Variants in SHANK2 observed in about 807,000 individuals in gnomAD.
SHANK2 encodes the protein SH3 and multiple ankyrin repeat domains 2, also known as SH3 and multiple ankyrin repeat domains protein 2.
In SHANK2, 43 loss-of-function variants were observed where a neutral mutation model predicts 133.7. The ratio of observed to expected loss-of-function variants is 0.32; its 90% CI spans 0.25 to 0.41. SHANK2 has a LOEUF of 0.41. Ranked by LOEUF, SHANK2 falls within the 10% of genes least tolerant of loss-of-function variation. The probability of loss-of-function intolerance (pLI) is 1.00; values close to 1 mark genes in which losing one functional copy is unlikely to be tolerated. For synonymous variants in SHANK2, 1,017 were observed against 952.8 expected (o/e 1.07, Z -1.24); for missense variants, 1,994 against 2,235.8 (o/e 0.89, Z 2.18).
intron 11 of SHANK2, among the ~76,000 whole-genome samples, chr11:70,875,759 G>A (rs530849303): frequency 6.6e-6 from 1 of 152,118 alleles, no homozygotes; most frequent in Admixed American, 6.5e-5. Context: ...GGGGGCTGAA[G>A]TGGGAGGATT....
intron 10 of SHANK2, among the ~76,000 whole-genome samples, chr11:70,909,558 T>C (rs1231107888): frequency 6.6e-6 from 1 of 152,160 alleles, no homozygotes; most frequent in Non-Finnish European, 1.5e-5. Context: ...TCGTGATCCT[T>C]GTTCTGCACA....
chr11:70,543,013 A>G (rs782757822), intron 17 of SHANK2, among the ~76,000 whole-genome samples: 3 of 152,138 alleles, frequency 2.0e-5, no homozygotes, highest in Non-Finnish European at 4.4e-5. Context: ...GTAGAAGGGC[A>G]GGGGCGGCAT....
chr11:70,820,417 C>T lies in SHANK2; in HGVS notation c.1440G>A (p.Arg480=). Reference sequence around the variant, plus strand: ...TGCCGTCCTCGCCTGCGCCGCCCAGCCTGTTGAGCGATGGGGACCGGCTGC... The same window carrying T: ...TGCCGTCCTCGCCTGCGCCGCCCAGTCTGTTGAGCGATGGGGACCGGCTGC... ...GPRSRSPSLN[R]LGGAGEDGKR... Residue 480 remains arginine (R), a synonymous_variant, in exon 12 of 26, where the codon AGG becomes AGA. Transcript: ENST00000601538. The T allele has an allele frequency of 2.9e-6, 2 of 700,856 alleles. No individual in the cohort carries two copies. The highest frequency in any genetic ancestry group is 1.8e-5 in the African/African-American group (1 of 56,954). 43.4% of individuals were successfully genotyped at this position (700,856 alleles called of 1,614,324 possible).
At chr11:71,182,863 T>A (rs1953587483) in intron 2 of SHANK2, among the ~76,000 whole-genome samples, 1 of 152,120 alleles carries the variant, frequency 6.6e-6, no homozygotes, top group Admixed American at 6.5e-5. Flanking sequence ...TCAATGTTTC[T>A]CTCCCACAGC....
intron 17 of SHANK2, among the ~76,000 whole-genome samples, chr11:70,582,970 C>G (rs1307882309): frequency 6.6e-6 from 1 of 152,320 alleles, no homozygotes; most frequent in African/African-American, 2.4e-5. Context: ...GCTCACTCTC[C>G]TGAGGCTTGC....
intron 1 of SHANK2, among the ~76,000 whole-genome samples, chr11:71,241,325 G>A (rs1954888401): frequency 6.6e-6 from 1 of 152,174 alleles, no homozygotes; most frequent in African/African-American, 2.4e-5. Context: ...AACTCAGGGT[G>A]GATTTTTTTA....
At chr11:70,839,320 G>A in intron 11 of SHANK2, among the ~76,000 whole-genome samples, 1 of 152,218 alleles carries the variant, frequency 6.6e-6, no homozygotes, top group Middle Eastern at 3.2e-3. Flanking sequence ...AGCCTAGAAA[G>A]CCCTCAGGGA....
At chr11:70,798,854 C>T (rs1441985456) in intron 13 of SHANK2, among the ~76,000 whole-genome samples, 2 of 152,200 alleles carry the variant, frequency 1.3e-5, no homozygotes, top group African/African-American at 4.8e-5. Context: ...AATGGATGTG[C>T]ACGGCGGCCC....
At chr11:71,099,626 A>G (rs1285477223) in intron 6 of SHANK2, among the ~76,000 whole-genome samples, 1 of 152,236 alleles carries the variant, frequency 6.6e-6, no homozygotes, top group Non-Finnish European at 1.5e-5. Flanking sequence ...AAAACTCCAC[A>G]AGAAAGCAAA....
intron 2 of SHANK2, among the ~76,000 whole-genome samples, chr11:71,179,600 A>G (rs1953514297): frequency 6.6e-6 from 1 of 152,204 alleles, no homozygotes; most frequent in Non-Finnish European, 1.5e-5. Context: ...AAGACAAGAA[A>G]AATACATAAA....
chr11:70,486,794 C>T lies in SHANK2; in HGVS notation c.3499G>A (p.Gly1167Ser). The T allele has an allele frequency of 6.2e-7, 1 of 1,612,172 alleles. No homozygotes were observed. Among genetic ancestry groups the T allele is most frequent in the Non-Finnish European group, 8.5e-7 (1 of 1,179,930 alleles). The change falls in exon 25 of 26, where the codon GGT (glycine) becomes AGT (serine). Residue 1167 changes from glycine (G) to serine (S), a missense_variant. Gly to Ser is a moderately conservative substitution (Grantham distance 56). Transcript: ENST00000601538. This position sits in a 1 kb window ranked among gnomAD's most constrained non-coding sequence, Gnocchi z 8.0. Reference sequence around the variant, plus strand: ...GAATTCAGCGGCCTCCCAGCCTCACCCGGAGCACTGGCCTCGGCGCCACCC... The same window carrying T: ...GAATTCAGCGGCCTCCCAGCCTCACTCGGAGCACTGGCCTCGGCGCCACCC... ...FVGGAEASAP[G>S]EAGRPLNSTS...
intron 2 of SHANK2, among the ~76,000 whole-genome samples, chr11:71,150,664 T>A (rs12295668): frequency 0.064 from 9,733 of 152,064 alleles, 665 homozygotes; most frequent in African/African-American, 0.17. Flanking sequence ...GCGCATGTTC[T>A]TTCTTTGTAA....
At chr11:70,770,026 G>A (rs1232147750) in intron 14 of SHANK2, among the ~76,000 whole-genome samples, 3 of 152,186 alleles carry the variant, frequency 2.0e-5, no homozygotes, top group African/African-American at 7.2e-5. Flanking sequence ...ACCTTGTGTT[G>A]AGCATGTACC....
At chr11:70,733,910 T>C (rs1408883409) in intron 14 of SHANK2, among the ~76,000 whole-genome samples, 2 of 152,194 alleles carry the variant, frequency 1.3e-5, no homozygotes, top group Non-Finnish European at 2.9e-5. Context: ...TTGCTACCCC[T>C]GGGTGCCTTT....
At chr11:70,822,913 A>G (rs113048129) in intron 11 of SHANK2, among the ~76,000 whole-genome samples, 52 of 7,290 alleles carry the variant, frequency 7.1e-3, no homozygotes, top group Admixed American at 0.015. Context: ...CAGAGGTGGC[A>G]CTGGCAGAGG....
intron 17 of SHANK2, among the ~76,000 whole-genome samples, chr11:70,607,678 G>A (rs981252534): frequency 2.6e-5 from 4 of 152,204 alleles, no homozygotes; most frequent in Non-Finnish European, 4.4e-5. Context: ...GGAGAACAAG[G>A]GCAACTCCCA....
chr11:70,526,891 C>G (rs1185587640), intron 17 of SHANK2, among the ~76,000 whole-genome samples: 1 of 152,078 alleles, frequency 6.6e-6, no homozygotes, highest in African/African-American at 2.4e-5. Context: ...TGAGCCCACT[C>G]TCCTCCCTGT....
At position 70,472,762 on chromosome 11, in the gene SHANK2, T is replaced by C; in HGVS notation, c.*107A>G. ...CTTTGGGTACCAGGAGACAAACCCA[T>C]GGAGTGGGGTTGATGCTCACAGACT... is the stretch of plus-strand genomic sequence containing the variant. On this transcript the variant is annotated 3_prime_UTR_variant, in exon 26 of 26. Transcript: ENST00000601538. This position sits in a 1 kb window ranked among gnomAD's most constrained non-coding sequence, Gnocchi z 4.4. The C allele has an allele frequency of 1.8e-6, 2 of 1,104,456 alleles. No individual in the cohort carries two copies. The highest frequency in any genetic ancestry group is 2.5e-5 in the South Asian group (2 of 79,796). The allele number at this position is 1,104,456 out of a possible 1,614,324, so 68.4% of individuals were successfully genotyped here.
At chr11:70,581,061 G>T (rs868937522) in intron 17 of SHANK2, among the ~76,000 whole-genome samples, 2 of 152,198 alleles carry the variant, frequency 1.3e-5, no homozygotes, top group East Asian at 3.9e-4. Context: ...GAGGGGGGAT[G>T]CCAGATCTAG....
Sources: gnomAD v4.1 joint callset for allele counts (sites outside exome capture counted in the v4.1 genomes callset) on GRCh38, gnomAD v4.1.1 for gene constraint, Gnocchi (gnomAD v3.1) non-coding constraint, MANE v1.5 for transcripts, NCBI Gene and HGNC (gene_info 2026-07-23, HGNC 2026-07-21) for gene names.